Variants in PDZD2 observed in about 807,000 individuals in gnomAD.
The protein encoded by PDZD2 is PDZ domain-containing protein 2.
PDZD2 carries 90 observed loss-of-function variants against 220.7 expected under a neutral mutation model. That is an observed-to-expected ratio of 0.41 (90% CI 0.34 to 0.49). The LOEUF (loss-of-function observed/expected upper bound fraction) is 0.49. Among genes scored for constraint, PDZD2 ranks in the 20% least tolerant of loss-of-function variants. The pLI is 0.28. For missense variants in PDZD2, 3,174 were observed against 3,608.5 expected (o/e 0.88, Z 3.08); for synonymous variants, 1,375 against 1,450.5 (o/e 0.95, Z 1.18).
chr5:32,015,351 A>G (rs1581280324), intron 6 of PDZD2, among the ~76,000 whole-genome samples: 1 of 152,038 alleles, frequency 6.6e-6, no homozygotes, highest in East Asian at 1.9e-4. Flanking sequence ...GGCTCAAGCA[A>G]TCCTCCCACC....
chr5:31,971,551 A>AC (rs747286263), intron 2 of PDZD2, among the ~76,000 whole-genome samples: 2 of 152,274 alleles, frequency 1.3e-5, no homozygotes, highest in East Asian at 3.9e-4. Context: ...TCCAATCAAA[A>AC]AGCAAAAGCT....
At chr5:32,028,687 T>TTTG (rs1561389818) in intron 6 of PDZD2, among the ~76,000 whole-genome samples, 3 of 138,670 alleles carry the variant, frequency 2.2e-5, no homozygotes, top group South Asian at 2.3e-4. Flanking sequence ...TTTTTTTGTT[T>TTTG]TTTTTTTTTT....
rs548450767 is a variant in PDZD2, at chr5:31,929,337, G to A, written c.477-53818G>A. On this transcript the variant is annotated intron_variant, in intron 2 of 24. Coordinates refer to ENST00000438447, the MANE Select transcript of PDZD2 (RefSeq NM_178140.4). ...ACCTTCTAAGAACCTGTGTCATGCT[G>A]TGTGCTACAGATCATTCTTTGTGGG... 9.8e-4 allele frequency among the ~76,000 whole-genome samples: 149 copies of A among 152,330 alleles called. 1 individual carries two copies. Among genetic ancestry groups the A allele is most frequent in the African/African-American group, 3.5e-3 (145 of 41,584 alleles).
At chr5:31,749,373 C>A (rs941560805) in intron 1 of PDZD2, among the ~76,000 whole-genome samples, 2 of 151,298 alleles carry the variant, frequency 1.3e-5, no homozygotes, top group African/African-American at 2.4e-5. Flanking sequence ...GGGTAGACGT[C>A]TGTCTCCATT....
Position 32,098,405 on chromosome 5 carries a change from G to T in PDZD2, c.7989G>T (p.Gly2663=). ...VFSQGAASQE[G]TMNRGDFLLS... ...CTCAGGGGGCGGCTTCTCAGGAAGG[G>T]ACTATGAACCGAGGGGATTTCCTTC... The change falls in exon 23 of 25, where the codon GGG becomes GGT. Residue 2663 remains glycine (G), a synonymous_variant. Coordinates refer to ENST00000438447, the MANE Select transcript of PDZD2 (RefSeq NM_178140.4). The surrounding 1 kb of genome is among the most constrained non-coding windows in gnomAD (Gnocchi z 4.1). 3.7e-6 allele frequency: 6 copies of T among 1,614,168 alleles called. No homozygotes were observed. Among genetic ancestry groups the T allele is most frequent in the Non-Finnish European group, 5.1e-6 (6 of 1,180,020 alleles).
intron 1 of PDZD2, among the ~76,000 whole-genome samples, chr5:31,778,683 C>T (rs1258757765): frequency 2.6e-5 from 4 of 152,178 alleles, no homozygotes; most frequent in African/African-American, 7.2e-5. Flanking sequence ...CTTTAACACT[C>T]ACCGGGAGGG....
At chr5:31,796,225 T>C (rs889435961) in intron 1 of PDZD2, among the ~76,000 whole-genome samples, 2 of 152,380 alleles carry the variant, frequency 1.3e-5, no homozygotes, top group South Asian at 4.1e-4. Flanking sequence ...ACCTTTTTTC[T>C]TTCATTTTAA....
chr5:31,908,413 C>G, intron 2 of PDZD2: 2 of 513,790 alleles, frequency 3.9e-6, no homozygotes, highest in Non-Finnish European at 7.1e-6. Flanking sequence ...TCACGAGATC[C>G]GGGAGATCTC....
At chr5:31,939,439 G>A (rs1189816264) in intron 2 of PDZD2, among the ~76,000 whole-genome samples, 1 of 152,214 alleles carries the variant, frequency 6.6e-6, no homozygotes, top group Non-Finnish European at 1.5e-5. Context: ...TTGCCCAAGA[G>A]GGAGTGGTGC....
intron 19 of PDZD2, among the ~76,000 whole-genome samples, chr5:32,081,368 A>G (rs1237880142): frequency 6.6e-6 from 1 of 152,182 alleles, no homozygotes; most frequent in Admixed American, 6.5e-5. Flanking sequence ...ATTATATTTA[A>G]CAGGCAATGA....
At chr5:31,950,327 T>C (rs1270302813) in intron 2 of PDZD2, among the ~76,000 whole-genome samples, 1 of 152,102 alleles carries the variant, frequency 6.6e-6, no homozygotes, top group East Asian at 1.9e-4. Flanking sequence ...AGAAGGTGAG[T>C]TGTAGATTGC....
chr5:31,669,997 C>A (rs1035317130), intron 1 of PDZD2, among the ~76,000 whole-genome samples: 5 of 152,076 alleles, frequency 3.3e-5, no homozygotes, highest in East Asian at 3.8e-4. Context: ...ATTAATGTTC[C>A]CATTTTACAG....
chr5:31,642,257 C>A (rs1263772740), intron 1 of PDZD2, among the ~76,000 whole-genome samples: 1 of 152,186 alleles, frequency 6.6e-6, no homozygotes, highest in African/African-American at 2.4e-5. Flanking sequence ...CAGCTTCTTT[C>A]TTCTGCCCTC....
At chr5:31,753,999 C>G (rs1045998179) in intron 1 of PDZD2, among the ~76,000 whole-genome samples, 1 of 152,192 alleles carries the variant, frequency 6.6e-6, no homozygotes, top group Admixed American at 6.5e-5. Flanking sequence ...ATTGTAAGCC[C>G]GAATCCCAGC....
intron 1 of PDZD2, among the ~76,000 whole-genome samples, chr5:31,724,045 A>C (rs1179954284): frequency 1.3e-5 from 2 of 152,190 alleles, no homozygotes; most frequent in South Asian, 2.1e-4. Flanking sequence ...TCTTTTACAC[A>C]GTGCACACAC....
chr5:31,916,785 T>G (rs756963032), intron 2 of PDZD2, among the ~76,000 whole-genome samples: 6 of 152,110 alleles, frequency 3.9e-5, no homozygotes, highest in Non-Finnish European at 1.5e-5. Flanking sequence ...GAGGTAAAAA[T>G]TAGTGTCCAG....
At chr5:31,872,962 AT>A (rs1738959980) in intron 2 of PDZD2, among the ~76,000 whole-genome samples, 1 of 152,178 alleles carries the variant, frequency 6.6e-6, no homozygotes, top group Non-Finnish European at 1.5e-5. Flanking sequence ...GTGCTGAGAC[AT>A]TTGGTTTTCC....
chr5:32,036,998 G>A (rs1452151186), intron 6 of PDZD2, among the ~76,000 whole-genome samples: 4 of 152,242 alleles, frequency 2.6e-5, no homozygotes, highest in Non-Finnish European at 5.9e-5. Flanking sequence ...GGAGGACTGG[G>A]GGCCCCTGGT....
At chr5:32,003,629 G>A (rs1000898300) in intron 5 of PDZD2, among the ~76,000 whole-genome samples, 27 of 152,196 alleles carry the variant, frequency 1.8e-4, no homozygotes, top group African/African-American at 3.4e-4. Context: ...GTTTCTGCAC[G>A]AGCATTCCAC....
Sources: gnomAD v4.1 joint callset for allele counts (sites outside exome capture counted in the v4.1 genomes callset) on GRCh38, gnomAD v4.1.1 for gene constraint, Gnocchi (gnomAD v3.1) non-coding constraint, MANE v1.5 for transcripts, NCBI Gene and HGNC (gene_info 2026-07-23, HGNC 2026-07-21) for gene names.